Variants in KCNB2 observed in about 807,000 individuals in gnomAD.
The protein encoded by KCNB2 is potassium voltage-gated channel subfamily B member 2.
A neutral mutation model predicts 61.5 loss-of-function variants in KCNB2; 15 were observed. The ratio of observed to expected loss-of-function variants is 0.24; its 90% CI spans 0.16 to 0.38. KCNB2 has a LOEUF of 0.38. KCNB2 is among the 10% of genes least tolerant of loss of function. KCNB2 has a pLI of 1.00. For missense variants in KCNB2, 828 were observed against 1,125.2 expected (o/e 0.74, Z 3.78); for synonymous variants, 457 against 446.0 (o/e 1.02, Z -0.31).
chr8:72,930,637 TG>T (rs1806760818), intron 2 of KCNB2, among the ~76,000 whole-genome samples: 2 of 152,224 alleles, frequency 1.3e-5, no homozygotes, highest in African/African-American at 4.8e-5. Flanking sequence ...CATTTGTTGA[TG>T]GGGTTGTTTG....
intron 2 of KCNB2, among the ~76,000 whole-genome samples, chr8:72,608,480 T>C (rs1461114561): frequency 1.3e-5 from 2 of 152,136 alleles, no homozygotes; most frequent in East Asian, 1.9e-4. Context: ...TGGGAGGCTA[T>C]TGAAACAGGT....
intron 2 of KCNB2, among the ~76,000 whole-genome samples, chr8:72,800,802 T>C (rs911169374): frequency 4.6e-5 from 7 of 152,222 alleles, no homozygotes; most frequent in African/African-American, 1.7e-4. Flanking sequence ...TGACACTTTG[T>C]GGAGTGACAC....
intron 2 of KCNB2, among the ~76,000 whole-genome samples, chr8:72,816,280 G>A (rs1809395199): frequency 6.6e-6 from 1 of 152,160 alleles, no homozygotes; most frequent in South Asian, 2.1e-4. Flanking sequence ...CCCTGAACCT[G>A]GGTCCTTTGC....
intron 2 of KCNB2, among the ~76,000 whole-genome samples, chr8:72,702,506 G>C (rs1163043545): frequency 6.6e-6 from 1 of 152,144 alleles, no homozygotes; most frequent in Admixed American, 6.5e-5. Flanking sequence ...AATAGGACAT[G>C]AAGTCAATTA....
At chr8:72,549,403 G>C (rs1420498184) in intron 1 of KCNB2, among the ~76,000 whole-genome samples, 1 of 152,146 alleles carries the variant, frequency 6.6e-6, no homozygotes, top group Non-Finnish European at 1.5e-5. Flanking sequence ...TGAAGAGTGC[G>C]AGAGCACAGA....
intron 2 of KCNB2, among the ~76,000 whole-genome samples, chr8:72,802,187 A>G (rs1809144772): frequency 6.6e-6 from 1 of 152,190 alleles, no homozygotes; most frequent in Non-Finnish European, 1.5e-5. Context: ...AGAGCTGAAT[A>G]TTTTTCAGCA....
rs779425555 is a variant in KCNB2, at chr8:72,567,816, A to T, written c.82A>T (p.Ile28Phe). ...LSLPPEPVDI[I>F]RSKTCSRRVK... ...CCTTCCTCCAGAGCCTGTGGACATTATCCGGAGCAAAACATGCTCCAGGAG... is the reference window on the plus strand; with the variant it reads ...CCTTCCTCCAGAGCCTGTGGACATTTTCCGGAGCAAAACATGCTCCAGGAG... The change falls in exon 2 of 3, where the codon ATC (isoleucine) becomes TTC (phenylalanine). Residue 28 changes from isoleucine (I) to phenylalanine (F), a missense_variant. Physicochemically the swap from Ile to Phe is conservative, Grantham distance 21. Around this residue, in one of 4 missense-constraint regions of KCNB2, gnomAD observed 62 missense variants for 54.8 expected, o/e 1.13. Transcript: ENST00000523207. The T allele has an allele frequency of 6.8e-6, 11 of 1,613,754 alleles. No homozygotes were observed. Among genetic ancestry groups the T allele is most frequent in the Non-Finnish European group, 9.3e-6 (11 of 1,179,950 alleles).
At chr8:72,817,909 A>G (rs1366986026) in intron 2 of KCNB2, among the ~76,000 whole-genome samples, 1 of 152,174 alleles carries the variant, frequency 6.6e-6, no homozygotes, top group Non-Finnish European at 1.5e-5. Context: ...AATTTCTACT[A>G]CACTTCAAAC....
intron 2 of KCNB2, among the ~76,000 whole-genome samples, chr8:72,768,203 G>A (rs1309596761): frequency 6.6e-6 from 1 of 152,082 alleles, no homozygotes; most frequent in African/African-American, 2.4e-5. Flanking sequence ...TTGTGACTGA[G>A]TCTCACCCTG....
At chr8:72,619,373 T>A in intron 2 of KCNB2, 1 of 527,472 alleles carries the variant, frequency 1.9e-6, no homozygotes, top group Non-Finnish European at 3.7e-6. Flanking sequence ...ATTCACTTGC[T>A]TTCTGCCTGT....
intron 2 of KCNB2, among the ~76,000 whole-genome samples, chr8:72,737,819 C>CT (rs1807875044): frequency 6.6e-6 from 1 of 152,102 alleles, no homozygotes; most frequent in Non-Finnish European, 1.5e-5. Flanking sequence ...GTTACAGAGC[C>CT]TTTAACTCCT....
chr8:72,933,871 T>C (rs1023353826), intron 2 of KCNB2, among the ~76,000 whole-genome samples: 25 of 152,238 alleles, frequency 1.6e-4, no homozygotes, highest in Admixed American at 1.4e-3. Flanking sequence ...CTGATCCATA[T>C]TTTTAAAGAA....
chr8:72,784,429 G>A (rs2128998181), intron 2 of KCNB2, among the ~76,000 whole-genome samples: 1 of 152,258 alleles, frequency 6.6e-6, no homozygotes, highest in African/African-American at 2.4e-5. Context: ...GGGTGTGTTA[G>A]TCTATTCTCA....
intron 1 of KCNB2, among the ~76,000 whole-genome samples, chr8:72,555,376 C>G (rs894632068): frequency 1.3e-5 from 2 of 151,652 alleles, no homozygotes; most frequent in Non-Finnish European, 2.9e-5. Context: ...AGATACAACT[C>G]TAAGAATATC....
At chr8:72,889,774 A>T (rs1805866537) in intron 2 of KCNB2, among the ~76,000 whole-genome samples, 1 of 152,264 alleles carries the variant, frequency 6.6e-6, no homozygotes, top group African/African-American at 2.4e-5. Context: ...ATTTATATAT[A>T]TATATGGAGT....
intron 2 of KCNB2, among the ~76,000 whole-genome samples, chr8:72,630,001 C>T (rs77943402): frequency 6.6e-6 from 1 of 152,270 alleles, no homozygotes; most frequent in African/African-American, 2.4e-5. Flanking sequence ...AGCAAGCAGA[C>T]CTATTTGAAG....
chr8:72,826,074 G>T (rs532878700), intron 2 of KCNB2, among the ~76,000 whole-genome samples: 2 of 152,264 alleles, frequency 1.3e-5, no homozygotes, highest in South Asian at 2.1e-4. Flanking sequence ...TTTATAAATG[G>T]TATAACGTAT....
chr8:72,581,278 A>G (rs547827832), intron 2 of KCNB2, among the ~76,000 whole-genome samples: 3 of 152,172 alleles, frequency 2.0e-5, no homozygotes, highest in South Asian at 4.2e-4. Context: ...GTCTCAGCTC[A>G]TATGTCACGC....
Position 72,938,070 on chromosome 8 carries a change from C to T in KCNB2, c.2715C>T (p.Pro905=). ...HSNPGDTGYC[P]TRETSM ...ACCCAGGAGACACAGGTTATTGTCCCACACGTGAAACCAGCATGTGACTAG... is the reference window on the plus strand; with the variant it reads ...ACCCAGGAGACACAGGTTATTGTCCTACACGTGAAACCAGCATGTGACTAG... Residue 905 remains proline, a synonymous_variant, in exon 3 of 3, where the codon CCC becomes CCT. Transcript: ENST00000523207. 1 of 1,610,430 alleles carries T rather than the reference C, an allele frequency of 6.2e-7. No homozygotes were observed. Among genetic ancestry groups the T allele is most frequent in the South Asian group, 1.1e-5 (1 of 90,248 alleles).
Sources: allele counts gnomAD v4.1 joint callset (sites outside exome capture counted in the v4.1 genomes callset), GRCh38; gene constraint gnomAD v4.1.1; regional missense constraint gnomAD v4.1.1; transcripts MANE v1.5; gene names NCBI Gene and HGNC (gene_info 2026-07-23, HGNC 2026-07-21).